The following TMTC1 variants were observed in gnomAD, a reference collection of about 807,000 sequenced individuals.
The protein encoded by TMTC1 is protein O-mannosyl-transferase TMTC1.
A neutral mutation model predicts 104.8 loss-of-function variants in TMTC1; 73 were observed. The observed-to-expected ratio is 0.70, with a 90% confidence interval of 0.58 to 0.85. The LOEUF is 0.85. Ranked by LOEUF, TMTC1 falls within the 40% of genes least tolerant of loss-of-function variation. The pLI is 0.00. For synonymous variants in TMTC1, 434 were observed against 428.7 expected (o/e 1.01, Z -0.15); for missense variants, 1,035 against 1,096.1 (o/e 0.94, Z 0.79).
chr12:29,636,256 C>T (rs1221012399), intron 5 of TMTC1, among the ~76,000 whole-genome samples: 3 of 152,094 alleles, frequency 2.0e-5, no homozygotes, highest in African/African-American at 7.2e-5. Flanking sequence ...GTTCTTTATG[C>T]CACTTTCTCT....
intron 5 of TMTC1, among the ~76,000 whole-genome samples, chr12:29,727,577 T>C (rs1007542177): frequency 6.6e-6 from 1 of 151,888 alleles, no homozygotes; most frequent in Non-Finnish European, 1.5e-5. Flanking sequence ...GGGTTTTCAC[T>C]GTGTTAACCA....
chr12:29,708,964 T>G (rs569538437), intron 5 of TMTC1, among the ~76,000 whole-genome samples: 1 of 152,164 alleles, frequency 6.6e-6, no homozygotes, highest in Non-Finnish European at 1.5e-5. Flanking sequence ...AAATATTGTT[T>G]TGTCAAGAGA....
chr12:29,648,182 G>A (rs1041471955), intron 5 of TMTC1, among the ~76,000 whole-genome samples: 2 of 152,150 alleles, frequency 1.3e-5, no homozygotes, highest in Non-Finnish European at 2.9e-5. Context: ...TCAAATGCAA[G>A]TCCATAAAAA....
At chr12:29,731,313 T>C (rs902646756) in intron 5 of TMTC1, among the ~76,000 whole-genome samples, 10 of 152,190 alleles carry the variant, frequency 6.6e-5, no homozygotes, top group Admixed American at 3.3e-4. Context: ...TCTGCCACCA[T>C]GCCCGGCTAA....
At chr12:29,657,830 G>A (rs1354895714) in intron 5 of TMTC1, among the ~76,000 whole-genome samples, 1 of 152,140 alleles carries the variant, frequency 6.6e-6, no homozygotes, top group African/African-American at 2.4e-5. Flanking sequence ...TCTAGGCTGG[G>A]CACGGTGGTT....
In TMTC1 at chr12:29,583,442, C is replaced by A; in HGVS notation, c.1383G>T (p.Gln461His). Residue 461 changes from glutamine (Q) to histidine (H), a missense_variant, in exon 8 of 18, where the codon CAG becomes CAT. Gln to His is a conservative substitution (Grantham distance 24). Coordinates refer to ENST00000539277, the MANE Select transcript of TMTC1 (RefSeq NM_001193451.2). ...ACTCTCTTGACAGCCAAATTTCATT[C>A]TGTTTCACAGTTTTCCAAGAGAAAA... is the stretch of plus-strand genomic sequence containing the variant. ...LLLFSWKTVK[Q>H]NEIWLSRESL... The A allele has an allele frequency of 6.2e-7, 1 of 1,613,930 alleles. No individual in the cohort carries two copies. Among genetic ancestry groups the A allele is most frequent in the Non-Finnish European group, 8.5e-7 (1 of 1,179,876 alleles).
chr12:29,730,052 G>A (rs1395692961), intron 5 of TMTC1, among the ~76,000 whole-genome samples: 5 of 152,172 alleles, frequency 3.3e-5, no homozygotes, highest in Non-Finnish European at 5.9e-5. Context: ...GGGATGGGGG[G>A]AAGTAAGCCA....
intron 9 of TMTC1, among the ~76,000 whole-genome samples, chr12:29,566,189 C>A (rs1369526120): frequency 6.6e-6 from 1 of 151,756 alleles, no homozygotes; most frequent in Non-Finnish European, 1.5e-5. Context: ...AGGGAGGCAG[C>A]CATTGAGGTA....
intron 15 of TMTC1, among the ~76,000 whole-genome samples, chr12:29,515,167 T>C (rs901500302): frequency 3.3e-5 from 5 of 152,098 alleles, no homozygotes; most frequent in Non-Finnish European, 5.9e-5. Flanking sequence ...GTGATACAGT[T>C]GAAAGAAAAC....
At chr12:29,752,128 AACAC>A (rs146261837) in intron 4 of TMTC1, among the ~76,000 whole-genome samples, 2 of 150,190 alleles carry the variant, frequency 1.3e-5, no homozygotes, top group East Asian at 2.0e-4. Context: ...GATGGCCACC[AACAC>A]ACACACACAC....
intron 6 of TMTC1, among the ~76,000 whole-genome samples, chr12:29,624,977 ATACGCTTGT>A (rs1252031641): frequency 6.6e-6 from 1 of 152,192 alleles, no homozygotes; most frequent in African/African-American, 2.4e-5. Flanking sequence ...GACTCACTGC[ATACGCTTGT>A]TTATTCAGTA....
intron 5 of TMTC1, among the ~76,000 whole-genome samples, chr12:29,665,063 AG>A (rs1407256822): frequency 3.9e-5 from 6 of 152,198 alleles, no homozygotes; most frequent in Non-Finnish European, 7.3e-5. Flanking sequence ...GGTCAGTTTT[AG>A]GTCTAAAATA....
At chr12:29,722,399 G>A (rs1451382596) in intron 5 of TMTC1, among the ~76,000 whole-genome samples, 1 of 152,176 alleles carries the variant, frequency 6.6e-6, no homozygotes, top group East Asian at 1.9e-4. Context: ...CGTACTCTGT[G>A]ATGACAATGA....
At chr12:29,561,033 A>C (rs1945363953) in intron 9 of TMTC1, among the ~76,000 whole-genome samples, 1 of 152,126 alleles carries the variant, frequency 6.6e-6, no homozygotes, top group East Asian at 1.9e-4. Flanking sequence ...TTTATTTTAC[A>C]GTTGAGGAAA....
At chr12:29,661,364 C>A in intron 5 of TMTC1, 5 of 979,446 alleles carry the variant, frequency 5.1e-6, no homozygotes, top group Non-Finnish European at 6.1e-6. Context: ...CAAAATACCT[C>A]ACAGATCTCT....
At chr12:29,630,023 T>C (rs981290099) in intron 6 of TMTC1, among the ~76,000 whole-genome samples, 1 of 152,204 alleles carries the variant, frequency 6.6e-6, no homozygotes, top group Non-Finnish European at 1.5e-5. Flanking sequence ...TTTTAAGTTA[T>C]ATATTTTGGT....
At chr12:29,510,315 TATGAGACC>T (rs574922769) in intron 17 of TMTC1, among the ~76,000 whole-genome samples, 139 of 152,334 alleles carry the variant, frequency 9.1e-4, no homozygotes, top group African/African-American at 3.2e-3. Flanking sequence ...ATTATAATCT[TATGAGACC>T]ATGAGACATC....
At chr12:29,600,103 G>A (rs1271960703) in intron 7 of TMTC1, among the ~76,000 whole-genome samples, 1 of 144,254 alleles carries the variant, frequency 6.9e-6, no homozygotes, top group African/African-American at 2.6e-5. Flanking sequence ...GATTCATGAA[G>A]ATATGATTCC....
At chr12:29,733,463 T>C (rs1328473427) in intron 5 of TMTC1, among the ~76,000 whole-genome samples, 4 of 152,188 alleles carry the variant, frequency 2.6e-5, no homozygotes, top group Non-Finnish European at 5.9e-5. Context: ...CTTAACATCC[T>C]CTAAAAAGTT....
Sources: allele counts gnomAD v4.1 joint callset (sites outside exome capture counted in the v4.1 genomes callset), GRCh38; gene constraint gnomAD v4.1.1; transcripts MANE v1.5; gene names NCBI Gene and HGNC (gene_info 2026-07-23, HGNC 2026-07-21).